The following CPXM2 variants were observed in gnomAD, a reference collection of about 807,000 sequenced individuals.
CPXM2 encodes carboxypeptidase X, M14 family member 2, also known as inactive carboxypeptidase-like protein X2.
In CPXM2, 66 loss-of-function variants were observed where a neutral mutation model predicts 86.1. The observed-to-expected ratio is 0.77, with a 90% CI of 0.63 to 0.94. The LOEUF (loss-of-function observed/expected upper bound fraction) is 0.94, where lower values mean the gene tolerates loss of function less well. CPXM2 is among the 40% of genes least tolerant of loss of function. CPXM2 has a pLI of 0.00. For synonymous variants in CPXM2, 388 were observed against 400.2 expected (o/e 0.97, Z 0.36); for missense variants, 948 against 1,026.3 (o/e 0.92, Z 1.04).
intron 3 of CPXM2, among the ~76,000 whole-genome samples, chr10:123,856,568 T>A (rs1416036056): frequency 1.3e-5 from 2 of 151,938 alleles, no homozygotes; most frequent in African/African-American, 4.8e-5. Context: ...GATCCAAGCA[T>A]GTTTTGTTTT....
At chr10:123,882,752 G>A (rs1249585522) in intron 1 of CPXM2, among the ~76,000 whole-genome samples, 1 of 151,700 alleles carries the variant, frequency 6.6e-6, no homozygotes, top group Non-Finnish European at 1.5e-5. Flanking sequence ...ACTATGGCCT[G>A]GACAGCTTCC....
At chr10:123,798,718 G>A (rs1332768344) in intron 5 of CPXM2, among the ~76,000 whole-genome samples, 1 of 152,206 alleles carries the variant, frequency 6.6e-6, no homozygotes, top group African/African-American at 2.4e-5. Flanking sequence ...GAGGAAGAGA[G>A]TGACAGGATC....
intron 13 of CPXM2, chr10:123,752,519 T>C: frequency 5.1e-6 from 5 of 985,420 alleles, no homozygotes; most frequent in Non-Finnish European, 6.0e-6. Flanking sequence ...CTAGGGAGCC[T>C]GGCAATGAAG....
intron 2 of CPXM2, among the ~76,000 whole-genome samples, chr10:123,904,463 C>T (rs1420116563): frequency 2.0e-5 from 3 of 152,120 alleles, no homozygotes; most frequent in South Asian, 2.1e-4. Context: ...CCCACCTCAC[C>T]GACCAGTTGT....
At chr10:123,880,990 CCTAA>C (rs1012702551) in intron 1 of CPXM2, among the ~76,000 whole-genome samples, 3 of 151,766 alleles carry the variant, frequency 2.0e-5, no homozygotes, top group Admixed American at 6.6e-5. Flanking sequence ...GCTTCTCCAA[CCTAA>C]CTCTCTCCCA....
intron 3 of CPXM2, among the ~76,000 whole-genome samples, chr10:123,850,579 A>C (rs189037399): frequency 6.6e-6 from 1 of 152,316 alleles, no homozygotes; most frequent in Admixed American, 6.5e-5. Flanking sequence ...TTGGTTATCA[A>C]AGAGCTGGTA....
chr10:123,748,527 G>A (rs573451246), intron 13 of CPXM2, among the ~76,000 whole-genome samples: 1 of 152,262 alleles, frequency 6.6e-6, no homozygotes, highest in South Asian at 2.1e-4. Flanking sequence ...GACATGATGG[G>A]AAATGAAATG....
intron 2 of CPXM2, among the ~76,000 whole-genome samples, chr10:123,906,833 C>G (rs550415232): frequency 4.7e-4 from 72 of 152,268 alleles, no homozygotes; most frequent in Non-Finnish European, 8.2e-4. Flanking sequence ...TGGAAAGCAA[C>G]CCCCAAATTG....
At chr10:123,832,158 T>C (rs974486346) in intron 4 of CPXM2, among the ~76,000 whole-genome samples, 4 of 152,214 alleles carry the variant, frequency 2.6e-5, no homozygotes, top group Non-Finnish European at 4.4e-5. Flanking sequence ...GTTTGGGGGT[T>C]TTCTTTTGAT....
intron 2 of CPXM2, among the ~76,000 whole-genome samples, chr10:123,874,378 A>T (rs1025446036): frequency 4.2e-5 from 6 of 141,984 alleles, no homozygotes; most frequent in Non-Finnish European, 9.7e-5. Context: ...CCCCCGCCCC[A>T]ACCACACACA....
chr10:123,807,302 A>G (rs527915316), intron 4 of CPXM2, among the ~76,000 whole-genome samples: 16 of 152,326 alleles, frequency 1.1e-4, no homozygotes, highest in Non-Finnish European at 2.2e-4. Flanking sequence ...CATTGCCATA[A>G]GGAAATTAAT....
At chr10:123,925,364 C>T (rs1326170784) in intron 2 of CPXM2, among the ~76,000 whole-genome samples, 2 of 151,382 alleles carry the variant, frequency 1.3e-5, no homozygotes, top group Admixed American at 6.6e-5. Flanking sequence ...ATCTCACACA[C>T]TTATTAATTT....
At chr10:123,747,299 A>G (rs1845989412) in intron 13 of CPXM2, among the ~76,000 whole-genome samples, 1 of 152,188 alleles carries the variant, frequency 6.6e-6, no homozygotes, top group African/African-American at 2.4e-5. Context: ...ATGCTCTGTG[A>G]CAATATGAGC....
chr10:123,765,823 C>G (rs1205110727), intron 10 of CPXM2, among the ~76,000 whole-genome samples: 2 of 152,236 alleles, frequency 1.3e-5, no homozygotes, highest in Non-Finnish European at 2.9e-5. Context: ...CAGTACGTGG[C>G]ACCCACATGT....
intron 3 of CPXM2, among the ~76,000 whole-genome samples, chr10:123,855,751 A>C (rs1383172151): frequency 6.6e-6 from 1 of 152,246 alleles, no homozygotes; most frequent in African/African-American, 2.4e-5. Flanking sequence ...ATTTTAGGTA[A>C]AAAGTGGATG....
At chr10:123,870,563 C>T (rs551191359) in intron 2 of CPXM2, among the ~76,000 whole-genome samples, 85 of 152,212 alleles carry the variant, frequency 5.6e-4, no homozygotes, top group Admixed American at 1.4e-3. Context: ...TCCCAGCACA[C>T]TGAAAATCTG....
intron 3 of CPXM2, among the ~76,000 whole-genome samples, chr10:123,858,214 C>T (rs949887348): frequency 1.3e-5 from 2 of 152,242 alleles, no homozygotes; most frequent in African/African-American, 4.8e-5. Flanking sequence ...CCTGCCCGGC[C>T]GCCTCCTAGG....
intron 1 of CPXM2, among the ~76,000 whole-genome samples, chr10:123,886,571 C>T (rs771989412): frequency 5.9e-5 from 9 of 152,156 alleles, no homozygotes; most frequent in Non-Finnish European, 8.8e-5. Flanking sequence ...GCAAATTCCA[C>T]GGGCTCAAGA....
chr10:123,865,012 C>T lies in CPXM2; in HGVS notation c.404-2289G>A, dbSNP rs1268222013. On this transcript the variant is annotated intron_variant, in intron 2 of 13. Transcript: ENST00000241305. The surrounding 1 kb of genome is among the most constrained non-coding windows in gnomAD (Gnocchi z 4.7). ...CCCTCTCACGGGCTGAGTTTCCCGC[C>T]GCCAGCAGTGCTGGCAGCTGCCACA... 6.6e-6 allele frequency among the ~76,000 whole-genome samples: 1 copy of T among 152,176 alleles called. No homozygotes were observed. Among genetic ancestry groups the T allele is most frequent in the Non-Finnish European group, 1.5e-5 (1 of 68,028 alleles).
Sources: gnomAD v4.1 joint callset for allele counts (sites outside exome capture counted in the v4.1 genomes callset) on GRCh38, gnomAD v4.1.1 for gene constraint, Gnocchi (gnomAD v3.1) non-coding constraint, MANE v1.5 for transcripts, NCBI Gene and HGNC (gene_info 2026-07-23, HGNC 2026-07-21) for gene names.